The following LIMCH1 variants were observed in gnomAD, a reference collection of about 807,000 sequenced individuals.
LIMCH1 encodes the protein LIM and calponin homology domains-containing protein 1.
A neutral mutation model predicts 176.5 loss-of-function variants in LIMCH1; 113 were observed. The observed-to-expected ratio is 0.64, with a 90% CI of 0.55 to 0.75. The LOEUF is 0.75. LIMCH1 is among the 30% of genes least tolerant of loss of function. LIMCH1 has a pLI of 0.00. For synonymous variants in LIMCH1, 619 were observed against 645.9 expected (o/e 0.96, Z 0.63); for missense variants, 1,674 against 1,814.9 (o/e 0.92, Z 1.41).
At chr4:41,582,413 T>G (rs759578591) in intron 1 of LIMCH1, among the ~76,000 whole-genome samples, 8 of 152,214 alleles carry the variant, frequency 5.3e-5, no homozygotes, top group Admixed American at 2.0e-4. Context: ...AAACATTATT[T>G]ATAACCTATT....
chr4:41,552,490 C>T (rs1280064238), intron 1 of LIMCH1, among the ~76,000 whole-genome samples: 1 of 151,904 alleles, frequency 6.6e-6, no homozygotes, highest in Non-Finnish European at 1.5e-5. Flanking sequence ...CATCGCGTTA[C>T]TTTGGAGGCT....
intron 1 of LIMCH1, among the ~76,000 whole-genome samples, chr4:41,587,016 A>G (rs971912718): frequency 1.3e-5 from 2 of 152,246 alleles, no homozygotes; most frequent in African/African-American, 4.8e-5. Context: ...TAAGTAATGT[A>G]TGCTCACTTC....
At chr4:41,625,125 C>T (rs1317029570) in intron 7 of LIMCH1, among the ~76,000 whole-genome samples, 1 of 152,136 alleles carries the variant, frequency 6.6e-6, no homozygotes, top group African/African-American at 2.4e-5. Flanking sequence ...CTTGAGTATA[C>T]TTTAATTAAT....
intron 3 of LIMCH1, among the ~76,000 whole-genome samples, chr4:41,527,884 A>G (rs1410654410): frequency 6.6e-6 from 1 of 150,942 alleles, no homozygotes; most frequent in African/African-American, 2.4e-5. Context: ...AAACTGTCGT[A>G]GATTAAAGAT....
rs2091590322 is a variant in LIMCH1 at position 41,612,798 on chromosome 4, T to A, written c.10-668T>A. 1.9e-5 allele frequency: 18 copies of A among 969,586 alleles called. No individual in the cohort carries two copies. In the East Asian group the frequency reaches 4.7e-4, roughly 25 times the overall value. The allele number at this position is 969,586 out of a possible 1,614,324, so 60.1% of individuals were successfully genotyped here. A position where few individuals can be genotyped will look rare whatever the true frequency, so the allele number is the denominator to read the frequency against. Reference sequence around the variant, plus strand: ...AGCTGGCTGAGAGCGAGAGCATGCCTGGATTCTTCTGAGGCATCAGGAAAA... The same window carrying A: ...AGCTGGCTGAGAGCGAGAGCATGCCAGGATTCTTCTGAGGCATCAGGAAAA... On this transcript the variant is annotated intron_variant, in intron 4 of 31. Coordinates refer to ENST00000503057, the MANE Select transcript of LIMCH1 (RefSeq NM_001330672.2).
intron 1 of LIMCH1, among the ~76,000 whole-genome samples, chr4:41,368,456 A>G (rs1014204801): frequency 6.6e-6 from 1 of 152,230 alleles, no homozygotes; most frequent in African/African-American, 2.4e-5. Flanking sequence ...TTTGGAATAC[A>G]TACTATGAAG....
At chr4:41,446,418 G>A (rs1473984138) in intron 1 of LIMCH1, among the ~76,000 whole-genome samples, 5 of 152,218 alleles carry the variant, frequency 3.3e-5, no homozygotes, top group Non-Finnish European at 7.3e-5. Flanking sequence ...CATTCTCAGA[G>A]ATTCACAAAT....
intron 1 of LIMCH1, among the ~76,000 whole-genome samples, chr4:41,455,619 TCAAAAAACAAAAAAA>T (rs1252801803): frequency 6.6e-6 from 1 of 151,900 alleles, no homozygotes; most frequent in Non-Finnish European, 1.5e-5. Context: ...CTAAAATGAC[TCAAAAAACAAAAAAA>T]CAAAAAACAA....
chr4:41,393,969 G>A (rs1223339127), intron 1 of LIMCH1, among the ~76,000 whole-genome samples: 1 of 152,144 alleles, frequency 6.6e-6, no homozygotes, highest in Admixed American at 6.5e-5. Flanking sequence ...AATAACAACG[G>A]TTTGGGAATA....
intron 1 of LIMCH1, among the ~76,000 whole-genome samples, chr4:41,443,192 C>CTTTTTTTTTTTTTTTTTTTTTTT (rs916559501): frequency 5.0e-5 from 2 of 39,708 alleles, no homozygotes; most frequent in African/African-American, 3.9e-4. Context: ...TGTTTTTTTT[C>CTTTTTTTTTTTTTTTTTTTTTTT]TTTTTTTTTT....
At chr4:41,529,049 T>TGATA (rs1400066248) in intron 3 of LIMCH1, among the ~76,000 whole-genome samples, 3 of 152,214 alleles carry the variant, frequency 2.0e-5, no homozygotes, top group Non-Finnish European at 4.4e-5. Context: ...TAGGTGTTAG[T>TGATA]GATACTGTTT....
intron 1 of LIMCH1, among the ~76,000 whole-genome samples, chr4:41,566,456 G>C (rs931144273): frequency 6.6e-6 from 1 of 152,144 alleles, no homozygotes. Flanking sequence ...TGTGGGAAAG[G>C]CTTTGAATGT....
chr4:41,567,360 A>G (rs1023534239), intron 1 of LIMCH1, among the ~76,000 whole-genome samples: 2 of 152,224 alleles, frequency 1.3e-5, no homozygotes, highest in African/African-American at 4.8e-5. Context: ...TGAGATATTC[A>G]GTAAGTGTTT....
chr4:41,608,568 A>C (rs1441043363), intron 4 of LIMCH1, among the ~76,000 whole-genome samples: 1 of 152,170 alleles, frequency 6.6e-6, no homozygotes, highest in Non-Finnish European at 1.5e-5. Flanking sequence ...AAAATGATTC[A>C]CTAGGGTGCA....
chr4:41,558,016 C>CA (rs2081518880), intron 1 of LIMCH1, among the ~76,000 whole-genome samples: 1 of 152,052 alleles, frequency 6.6e-6, no homozygotes, highest in Non-Finnish European at 1.5e-5. Context: ...ACAGTGGCCA[C>CA]ACGTGTCAGC....
intron 1 of LIMCH1, among the ~76,000 whole-genome samples, chr4:41,469,777 G>T (rs2066682917): frequency 6.6e-6 from 1 of 151,968 alleles, no homozygotes; most frequent in Admixed American, 6.6e-5. Flanking sequence ...TGCCTCCCGG[G>T]TTCAAGCAAT....
intron 3 of LIMCH1, among the ~76,000 whole-genome samples, chr4:41,525,398 ATTG>A (rs1195454559): frequency 2.0e-5 from 3 of 152,202 alleles, no homozygotes; most frequent in African/African-American, 7.2e-5. Flanking sequence ...GACCTTACTG[ATTG>A]TTGTTAAAAA....
At chr4:41,390,030 A>G (rs947742183) in intron 1 of LIMCH1, among the ~76,000 whole-genome samples, 3 of 152,178 alleles carry the variant, frequency 2.0e-5, no homozygotes, top group Non-Finnish European at 4.4e-5. Flanking sequence ...TCACTGCAGA[A>G]GCATCAGCAG....
At chr4:41,442,850 A>G (rs1364985585) in intron 1 of LIMCH1, among the ~76,000 whole-genome samples, 1 of 152,230 alleles carries the variant, frequency 6.6e-6, no homozygotes, top group Non-Finnish European at 1.5e-5. Context: ...TAACCAGGGT[A>G]AACAATAATT....
Sources: gnomAD v4.1 joint callset for allele counts (sites outside exome capture counted in the v4.1 genomes callset) on GRCh38, gnomAD v4.1.1 for gene constraint, MANE v1.5 for transcripts, NCBI Gene and HGNC (gene_info 2026-07-23, HGNC 2026-07-21) for gene names.